Variants in MYO3B observed in about 807,000 individuals in gnomAD.
MYO3B encodes myosin IIIB.
MYO3B carries 156 observed loss-of-function variants against 174.6 expected under a neutral mutation model. The observed-to-expected ratio is 0.89, with a 90% CI of 0.78 to 1.02. MYO3B has a LOEUF of 1.02. Ranked by LOEUF, MYO3B falls within the 50% of genes least tolerant of loss-of-function variation. The pLI, the probability that MYO3B is intolerant of heterozygous loss-of-function variation, is 0.00. For synonymous variants in MYO3B, 563 were observed against 569.1 expected (o/e 0.99, Z 0.15); for missense variants, 1,632 against 1,639.4 (o/e 1.00, Z 0.08).
Position 170,375,022 on chromosome 2 carries a change from C to T in MYO3B, c.971+5645C>T, listed in dbSNP as rs140822555. Among the ~76,000 whole-genome samples the T allele has an allele frequency of 2.0e-3, 304 of 152,150 alleles. 2 individuals carry two copies. Among genetic ancestry groups the T allele is most frequent in the African/African-American group, 6.7e-3 (280 of 41,502 alleles). On this transcript the variant is annotated intron_variant, in intron 9 of 34. Coordinates refer to ENST00000408978, the MANE Select transcript of MYO3B (RefSeq NM_138995.5). ...GTCTTACTCTTTTAAAGGAGTAAGC[C>T]CTAAAGGGCTAAAGAAGCCCTAAAA...
At position 170,291,692 on chromosome 2, in the gene MYO3B, C is replaced by T. The variant is rs968856908; in HGVS notation, c.750-43693C>T. On this transcript the variant is annotated intron_variant, in intron 7 of 34. Coordinates refer to ENST00000408978, the MANE Select transcript of MYO3B (RefSeq NM_138995.5). ...ATATTCAAAGGATAATTTTGCTGGG[C>T]ATAGTATTCTTGGATGACAGGTTTT... Among the ~76,000 whole-genome samples the T allele has an allele frequency of 2.1e-5, 3 of 143,662 alleles. No homozygotes were observed. In the East Asian group the frequency reaches 6.2e-4, roughly 30 times the overall value. 94.2% of individuals were successfully genotyped at this position (143,662 alleles called of 152,430 possible). A position where few individuals can be genotyped will look rare whatever the true frequency, so the allele number is the denominator to read the frequency against.
At chr2:170,185,126 G>T (rs1331854676) in intron 1 of MYO3B, among the ~76,000 whole-genome samples, 1 of 151,968 alleles carries the variant, frequency 6.6e-6, no homozygotes, top group Non-Finnish European at 1.5e-5. Flanking sequence ...TCTGTGGGTT[G>T]TCTCCTCACT....
intron 8 of MYO3B, among the ~76,000 whole-genome samples, chr2:170,357,999 A>G (rs1371368379): frequency 1.3e-5 from 2 of 152,158 alleles, no homozygotes; most frequent in Non-Finnish European, 2.9e-5. Context: ...CTAAAAATAC[A>G]AAAGTAGCCA....
chr2:170,305,453 G>A (rs2093695018), intron 7 of MYO3B, among the ~76,000 whole-genome samples: 1 of 152,116 alleles, frequency 6.6e-6, no homozygotes, highest in South Asian at 2.1e-4. Flanking sequence ...TTTAAAATAT[G>A]GTAGTGATAA....
intron 32 of MYO3B, among the ~76,000 whole-genome samples, chr2:170,566,670 C>T (rs2106266504): frequency 6.6e-6 from 1 of 152,188 alleles, no homozygotes; most frequent in Admixed American, 6.5e-5. Context: ...GTTACTAGAT[C>T]ACACAGGTAG....
intron 32 of MYO3B, among the ~76,000 whole-genome samples, chr2:170,649,564 T>C (rs1224621087): frequency 1.3e-5 from 2 of 149,332 alleles, no homozygotes; most frequent in South Asian, 2.1e-4. Flanking sequence ...CGGTGGCTCA[T>C]GCCTGTAATC....
intron 32 of MYO3B, among the ~76,000 whole-genome samples, chr2:170,620,749 T>C (rs1201344218): frequency 1.3e-5 from 2 of 152,208 alleles, no homozygotes; most frequent in Non-Finnish European, 2.9e-5. Context: ...CCTTTCAGTC[T>C]CGTAACAGGC....
rs766505105 is a variant in MYO3B at position 170,200,199 on chromosome 2, C to T, written c.236C>T (p.Pro79Leu). ...EAEYNILQFL[P>L]NHPNVVKFYG... ...GAATACAACATTTTGCAGTTCCTTCCTAATCATCCCAATGTTGTAAAGTTT... is the reference window on the plus strand; with the variant it reads ...GAATACAACATTTTGCAGTTCCTTCTTAATCATCCCAATGTTGTAAAGTTT... The change falls in exon 3 of 35, where the codon CCT becomes CTT. Residue 79 changes from proline to leucine, a missense_variant. Coordinates refer to ENST00000408978, the MANE Select transcript of MYO3B (RefSeq NM_138995.5). 2.5e-6 allele frequency: 4 copies of T among 1,613,386 alleles called. No individual in the cohort carries two copies. The highest frequency in any genetic ancestry group is 3.4e-6 in the Non-Finnish European group (4 of 1,179,590).
chr2:170,608,277 C>T (rs1247507591), intron 32 of MYO3B, among the ~76,000 whole-genome samples: 1 of 152,196 alleles, frequency 6.6e-6, no homozygotes, highest in Non-Finnish European at 1.5e-5. Flanking sequence ...TTATTACTTA[C>T]TTGCTATGTA....
At position 170,432,068 on chromosome 2, in the gene MYO3B, T is replaced by C. The variant is rs372956677; in HGVS notation, c.2651-11899T>C. Among the ~76,000 whole-genome samples, 109 of 152,366 alleles carry C rather than the reference T, an allele frequency of 7.2e-4. 1 individual carries two copies. In the South Asian group the frequency reaches 0.022, roughly 31 times the overall value. On this transcript the variant is annotated intron_variant, in intron 22 of 34. Coordinates refer to ENST00000408978, the MANE Select transcript of MYO3B (RefSeq NM_138995.5). ...ATGTGCAGTACATAGCACTGAATAA[T>C]GATAATAAACAACTATATTACTGGT...
chr2:170,212,655 A>G (rs911620753), intron 3 of MYO3B, among the ~76,000 whole-genome samples: 43 of 152,170 alleles, frequency 2.8e-4, no homozygotes, highest in African/African-American at 9.7e-4. Flanking sequence ...GAAAGAACTC[A>G]GCAAAGTGAG....
chr2:170,181,370 C>G (rs1177822866), intron 1 of MYO3B, among the ~76,000 whole-genome samples: 1 of 152,040 alleles, frequency 6.6e-6, no homozygotes, highest in Non-Finnish European at 1.5e-5. Flanking sequence ...AATAGATAAT[C>G]ATGTAATCTT....
At chr2:170,380,355 T>C (rs1285134124) in intron 9 of MYO3B, among the ~76,000 whole-genome samples, 3 of 146,906 alleles carry the variant, frequency 2.0e-5, no homozygotes, top group Admixed American at 2.0e-4. Context: ...TTTTCAACTT[T>C]ATTGCATTTT....
At chr2:170,464,797 T>C (rs1418737011) in intron 24 of MYO3B, among the ~76,000 whole-genome samples, 1 of 152,186 alleles carries the variant, frequency 6.6e-6, no homozygotes, top group African/African-American at 2.4e-5. Context: ...TCCCCTTGAG[T>C]GGCTCTATCC....
intron 25 of MYO3B, among the ~76,000 whole-genome samples, chr2:170,478,103 T>A (rs1196743352): frequency 2.0e-5 from 3 of 151,980 alleles, no homozygotes; most frequent in Non-Finnish European, 1.5e-5. Context: ...AAAGAAAAAA[T>A]TTTTTCAGAA....
rs78808027 is a variant in MYO3B, at chr2:170,538,914, C to T, written c.3576-3992C>T. Reference sequence around the variant, plus strand: ...TTCTGCCCATTTAGCTTATGATTTCCAGCAGAGGCCGAGGACAGTGTTATT... The same window carrying T: ...TTCTGCCCATTTAGCTTATGATTTCTAGCAGAGGCCGAGGACAGTGTTATT... On this transcript the variant is annotated intron_variant, in intron 30 of 34. Transcript: ENST00000408978. Among the ~76,000 whole-genome samples, 423 of 152,242 alleles carry T rather than the reference C, an allele frequency of 2.8e-3. 8 individuals carry two copies. Among genetic ancestry groups the T allele is most frequent in the East Asian group, 0.013 (65 of 5,184 alleles).
intron 22 of MYO3B, among the ~76,000 whole-genome samples, chr2:170,423,279 AG>A (rs2094632825): frequency 6.6e-6 from 1 of 152,092 alleles, no homozygotes; most frequent in Admixed American, 6.5e-5. Context: ...CACCGTGCCC[AG>A]CCTAATCCAG....
chr2:170,547,366 A>T (rs1690585754), intron 32 of MYO3B, among the ~76,000 whole-genome samples: 1 of 151,612 alleles, frequency 6.6e-6, no homozygotes. Flanking sequence ...AAACTGGCCC[A>T]TGTGGTCCGG....
intron 1 of MYO3B, among the ~76,000 whole-genome samples, chr2:170,196,618 C>T (rs190687517): frequency 6.6e-6 from 1 of 152,294 alleles, no homozygotes; most frequent in Non-Finnish European, 1.5e-5. Flanking sequence ...GCTGTCTTTC[C>T]TTCTCTGTCC....
Sources: gnomAD v4.1 joint callset for allele counts (sites outside exome capture counted in the v4.1 genomes callset) on GRCh38, gnomAD v4.1.1 for gene constraint, MANE v1.5 for transcripts, NCBI Gene and HGNC (gene_info 2026-07-23, HGNC 2026-07-21) for gene names.